PKHD1L1: variants seen among roughly 807,000 people sequenced by gnomAD.
PKHD1L1 encodes PKHD1 like 1.
PKHD1L1 carries 434 observed loss-of-function variants against 462.9 expected under a neutral mutation model. The ratio of observed to expected loss-of-function variants is 0.94; its 90% CI spans 0.87 to 1.02. The LOEUF (loss-of-function observed/expected upper bound fraction) is 1.02, where lower values mean the gene tolerates loss of function less well. PKHD1L1 is among the 50% of genes least tolerant of loss of function. The probability of loss-of-function intolerance (pLI) is 0.00; values close to 1 mark genes in which losing one functional copy is unlikely to be tolerated. For missense variants in PKHD1L1, 5,202 were observed against 5,096.1 expected, an observed-to-expected ratio of 1.02 and a Z score of -0.63; for synonymous variants, 1,781 against 1,750.0, an observed-to-expected ratio of 1.02 and a Z score of -0.44.
chr8:109,428,442 A>C lies in PKHD1L1; in HGVS notation c.3001-898A>C, dbSNP rs549389300. On this transcript the variant is annotated intron_variant, in intron 25 of 77. Transcript: ENST00000378402. ...ACTCTACTTATGAAATCATTTGGGG[A>C]AGGAGAGGAAGTGGAGAAGATAAGG... Among the ~76,000 whole-genome samples the C allele has an allele frequency of 1.2e-4, 19 of 152,318 alleles. No homozygotes were observed. In the South Asian group the frequency reaches 3.5e-3, roughly 28 times the overall value.
intron 59 of PKHD1L1, among the ~76,000 whole-genome samples, chr8:109,487,864 AAGACAGAGAGAAAG>A (rs1443937701): frequency 8.2e-6 from 1 of 121,412 alleles, no homozygotes; most frequent in African/African-American, 3.1e-5. Context: ...GAAAGAGAGA[AAGACAGAGAGAAAG>A]AGAGAGAGAG....
chr8:109,371,005 A>G (rs1157291260), intron 2 of PKHD1L1, among the ~76,000 whole-genome samples: 6 of 152,154 alleles, frequency 3.9e-5, no homozygotes, highest in Non-Finnish European at 8.8e-5. Flanking sequence ...ATGATTTATA[A>G]TCCTTTGGGT....
chr8:109,489,268 C>T (rs1818706747), intron 59 of PKHD1L1, among the ~76,000 whole-genome samples: 1 of 151,682 alleles, frequency 6.6e-6, no homozygotes, highest in Non-Finnish European at 1.5e-5. Flanking sequence ...TCCTGTGCCT[C>T]AGTTTTTTTT....
chr8:109,462,932 A>G (rs553642519), intron 48 of PKHD1L1, among the ~76,000 whole-genome samples: 1 of 152,228 alleles, frequency 6.6e-6, no homozygotes, highest in Non-Finnish European at 1.5e-5. Flanking sequence ...GACAAGGGTT[A>G]TCGCTCCAGA....
chr8:109,509,059 A>G lies in PKHD1L1; in HGVS notation c.11395+795A>G, dbSNP rs376711501. Among the ~76,000 whole-genome samples, 6 of 152,282 alleles carry G rather than the reference A, an allele frequency of 3.9e-5. No individual in the cohort carries two copies. In the South Asian group the frequency reaches 1.2e-3, roughly 32 times the overall value. On this transcript the variant is annotated intron_variant, in intron 70 of 77. Transcript: ENST00000378402. Reference sequence around the variant, plus strand: ...TACATAGCTTGGATTAGATAGATTTATGTGCCCTTGTAGTGTCATAACATG... The same window carrying G: ...TACATAGCTTGGATTAGATAGATTTGTGTGCCCTTGTAGTGTCATAACATG...
chr8:109,523,177 TA>T, intron 75 of PKHD1L1, 55 bp from the exon 76 acceptor site: 1 of 1,462,272 alleles, frequency 6.8e-7, no homozygotes, highest in Non-Finnish European at 9.3e-7. Context: ...CATATATTTT[TA>T]AAAGCATGGA....
At chr8:109,441,162 G>A (rs1440349284) in intron 33 of PKHD1L1, 113 bp from the exon 34 acceptor site, 8 of 745,108 alleles carry the variant, frequency 1.1e-5, no homozygotes, top group Non-Finnish European at 1.7e-5. Flanking sequence ...ATAAGGCAGA[G>A]TTTTTTTTAG....
chr8:109,406,975 C>T (rs1290071694), intron 17 of PKHD1L1, among the ~76,000 whole-genome samples: 1 of 151,810 alleles, frequency 6.6e-6, no homozygotes, highest in African/African-American at 2.4e-5. Flanking sequence ...GTGTTTAATG[C>T]AAACGTATTT....
At chr8:109,506,292 A>G (rs1331132798) in intron 68 of PKHD1L1, among the ~76,000 whole-genome samples, 1 of 152,160 alleles carries the variant, frequency 6.6e-6, no homozygotes, top group Non-Finnish European at 1.5e-5. Flanking sequence ...CTCTTAGCCA[A>G]ATAGAACTAG....
rs370840692 is a variant in PKHD1L1, at chr8:109,449,335, T to G, written c.6026-3T>G. The G allele has an allele frequency of 6.4e-7, 1 of 1,567,126 alleles. No individual in the cohort carries two copies. Among genetic ancestry groups the G allele is most frequent in the Non-Finnish European group, 8.7e-7 (1 of 1,154,670 alleles). ...GTTTTTCCTTTTTATTTGTCTTCAC[T>G]AGGGAGCTTTGGTGGGGGTCAAACC... On this transcript the variant is annotated splice_region_variant and splice_polypyrimidine_tract_variant and intron_variant, in intron 39 of 77. Coordinates refer to ENST00000378402, the MANE Select transcript of PKHD1L1 (RefSeq NM_177531.6).
intron 29 of PKHD1L1, 72 bp downstream of exon 29, chr8:109,435,426 C>A: frequency 6.7e-7 from 1 of 1,499,958 alleles, no homozygotes; most frequent in South Asian, 1.3e-5. Flanking sequence ...GTTTCTAGTA[C>A]AGGGTGAAGG....
At position 109,465,024 on chromosome 8, in the gene PKHD1L1, C is replaced by A. The variant is rs1227098708; in HGVS notation, c.8192C>A (p.Pro2731Gln). The A allele has an allele frequency of 1.2e-6, 2 of 1,613,844 alleles. No individual in the cohort carries two copies. Among genetic ancestry groups the A allele is most frequent in the South Asian group, 2.2e-5 (2 of 91,084 alleles). ...TGCACAGCAAAAGGCCTGGTTCTCC[C>A]ATTTAGTGAAGGCTTGACTGTCTCT... ...AFCTAKGLVLPFSEGLTVSSV... is the reference protein window; with the variant it reads ...AFCTAKGLVLQFSEGLTVSSV... The change falls in exon 49 of 78, where the codon CCA (proline) becomes CAA (glutamine). Residue 2731 changes from proline (P) to glutamine (Q), a missense_variant. Around this residue, in one of 3 missense-constraint regions of PKHD1L1, gnomAD observed 4,497 missense variants for 4,336.8 expected, o/e 1.04. Coordinates refer to ENST00000378402, the MANE Select transcript of PKHD1L1 (RefSeq NM_177531.6).
At chr8:109,433,330 C>A in intron 28 of PKHD1L1, 114 bp downstream of exon 28, 1 of 929,094 alleles carries the variant, frequency 1.1e-6, no homozygotes, top group South Asian at 1.6e-5. Flanking sequence ...TCCAGTATTA[C>A]AATTATCATG....
intron 50 of PKHD1L1, among the ~76,000 whole-genome samples, chr8:109,467,531 T>C (rs1817512950): frequency 6.6e-6 from 1 of 152,096 alleles, no homozygotes; most frequent in South Asian, 2.1e-4. Context: ...ACTCCATTAG[T>C]TGGGGAACCA....
intron 55 of PKHD1L1, chr8:109,480,716 A>G (rs1174269635): frequency 2.4e-6 from 1 of 420,042 alleles, no homozygotes; most frequent in Non-Finnish European, 4.7e-6. Context: ...AAAGCTATTA[A>G]GCAGCATTAA....
rs913695541 is a variant in PKHD1L1, at chr8:109,456,197, T to C, written c.6875-65T>C. On this transcript the variant is annotated intron_variant, in intron 45 of 77. Coordinates refer to ENST00000378402, the MANE Select transcript of PKHD1L1 (RefSeq NM_177531.6). Reference sequence around the variant, plus strand: ...TTCAATTTAGGAAAAGATTAAAATGTATAAAGTTCTCAATAACAAATCAAA... The same window carrying C: ...TTCAATTTAGGAAAAGATTAAAATGCATAAAGTTCTCAATAACAAATCAAA... 6.4e-5 allele frequency: 96 copies of C among 1,494,846 alleles called. No individual in the cohort carries two copies. In the East Asian group the frequency reaches 2.2e-3, roughly 34 times the overall value. The allele number at this position is 1,494,846 out of a possible 1,614,324, so 92.6% of individuals were successfully genotyped here.
chr8:109,396,102 A>T lies in PKHD1L1; in HGVS notation c.887A>T (p.Asp296Val), dbSNP rs761472427. The T allele has an allele frequency of 6.8e-6, 11 of 1,609,006 alleles. No homozygotes were observed. Among genetic ancestry groups the T allele is most frequent in the Non-Finnish European group, 8.5e-6 (10 of 1,177,874 alleles). The part of the protein sequence containing the change: ...TTLTISGRFF[D>V]QTDFPVRVLV... ...CTGACAATAAGTGGGCGTTTCTTTG[A>T]TCAGACAGATTTCCCCGTCAGAGTT... The change falls in exon 11 of 78, where the codon GAT becomes GTT. Residue 296 changes from aspartate to valine, a missense_variant. By Grantham distance (152) the Asp-to-Val change is radical (BLOSUM62 -3). Transcript: ENST00000378402.
intron 59 of PKHD1L1, among the ~76,000 whole-genome samples, chr8:109,489,587 A>C (rs909216144): frequency 6.6e-6 from 1 of 151,974 alleles, no homozygotes; most frequent in Non-Finnish European, 1.5e-5. Flanking sequence ...TATGCCATAC[A>C]TTCTCAATTC....
chr8:109,452,999 C>CCTG, intron 43 of PKHD1L1, 125 bp downstream of exon 43: 2 of 758,596 alleles, frequency 2.6e-6, no homozygotes, highest in Non-Finnish European at 1.8e-6. Context: ...CAGTGTAGTC[C>CCTG]TGGGCTTTCT....
Sources: allele counts gnomAD v4.1 joint callset (sites outside exome capture counted in the v4.1 genomes callset), GRCh38; gene constraint gnomAD v4.1.1; regional missense constraint gnomAD v4.1.1; transcripts MANE v1.5; gene names NCBI Gene and HGNC (gene_info 2026-07-23, HGNC 2026-07-21).